Variants in PPP1R9A observed in about 807,000 individuals in gnomAD.
The protein encoded by PPP1R9A is protein phosphatase 1 regulatory subunit 9A, also known as neurabin-1.
A neutral mutation model predicts 141.9 loss-of-function variants in PPP1R9A; 59 were observed. That is an observed-to-expected ratio of 0.42 (90% confidence interval 0.34 to 0.52). The LOEUF (loss-of-function observed/expected upper bound fraction) is 0.52, where lower values mean the gene tolerates loss of function less well. Among genes scored for constraint, PPP1R9A ranks in the 20% least tolerant of loss-of-function variants. The probability of loss-of-function intolerance (pLI) is 0.10; values close to 1 mark genes in which losing one functional copy is unlikely to be tolerated. For missense variants in PPP1R9A, 1,444 were observed against 1,611.9 expected (o/e 0.90, Z 1.78); for synonymous variants, 500 against 569.7 (o/e 0.88, Z 1.74).
At chr7:94,963,019 T>G (rs1797806507) in intron 2 of PPP1R9A, among the ~76,000 whole-genome samples, 1 of 152,096 alleles carries the variant, frequency 6.6e-6, no homozygotes, top group South Asian at 2.1e-4. Flanking sequence ...AATTGAAAAT[T>G]CAAAATAGAA....
intron 2 of PPP1R9A, among the ~76,000 whole-genome samples, chr7:94,922,516 AG>A (rs2150734844): frequency 6.6e-6 from 1 of 152,278 alleles, no homozygotes; most frequent in South Asian, 2.1e-4. Flanking sequence ...TCACATATCC[AG>A]TAATAGGGAT....
chr7:94,912,405 C>T (rs2150599600), intron 2 of PPP1R9A, among the ~76,000 whole-genome samples: 1 of 152,250 alleles, frequency 6.6e-6, no homozygotes, highest in African/African-American at 2.4e-5. Context: ...GCCCACAGCT[C>T]AGTCCTGAGA....
chr7:95,271,984 G>C (rs896445519), intron 14 of PPP1R9A, among the ~76,000 whole-genome samples: 5 of 152,134 alleles, frequency 3.3e-5, no homozygotes, highest in African/African-American at 9.7e-5. Context: ...AACATCTTCA[G>C]CCCTATGGAA....
intron 2 of PPP1R9A, among the ~76,000 whole-genome samples, chr7:94,938,345 T>C (rs1794986236): frequency 6.6e-6 from 1 of 152,136 alleles, no homozygotes; most frequent in Non-Finnish European, 1.5e-5. Context: ...GCCAAAAAGG[T>C]TGGGGAGTGC....
intron 12 of PPP1R9A, among the ~76,000 whole-genome samples, chr7:95,254,569 T>C (rs1799324775): frequency 6.6e-6 from 1 of 152,196 alleles, no homozygotes; most frequent in Non-Finnish European, 1.5e-5. Flanking sequence ...ACTGTCCAAT[T>C]CTGATTTGCT....
chr7:94,976,788 T>C, intron 2 of PPP1R9A, among the ~76,000 whole-genome samples: 1 of 152,190 alleles, frequency 6.6e-6, no homozygotes, highest in East Asian at 1.9e-4. Context: ...TTTTATTTAT[T>C]AATCATTCAC....
At chr7:94,946,813 A>C (rs1795944715) in intron 2 of PPP1R9A, among the ~76,000 whole-genome samples, 1 of 152,180 alleles carries the variant, frequency 6.6e-6, no homozygotes, top group Non-Finnish European at 1.5e-5. Flanking sequence ...ATGCTTGCAC[A>C]AAATGCAAGG....
intron 2 of PPP1R9A, among the ~76,000 whole-genome samples, chr7:94,969,555 G>A (rs1007467221): frequency 1.3e-5 from 2 of 152,106 alleles, no homozygotes; most frequent in Non-Finnish European, 1.5e-5. Context: ...ATGCCAGTCA[G>A]ATCTCTCCTG....
rs554615710 is a variant in PPP1R9A, at chr7:95,199,435, T to C, written c.1890+951T>C. Among the ~76,000 whole-genome samples the C allele has an allele frequency of 5.9e-5, 9 of 152,306 alleles. No individual in the cohort carries two copies. The South Asian group carries it at 1.7e-3, about 28-fold the overall frequency. ...TCTGAATATATAATTTTTCAGAATT[T>C]TGCTTTCTAGCCAGGATATAGATAT... On this transcript the variant is annotated intron_variant, in intron 6 of 19. Coordinates refer to ENST00000433360, the MANE Select transcript of PPP1R9A (RefSeq NM_001166160.2).
rs1368291126 is a variant in PPP1R9A at position 95,161,976 on chromosome 7, A to G, written c.1754+5A>G. 1 of 1,578,292 alleles carries G rather than the reference A, an allele frequency of 6.3e-7. No individual in the cohort carries two copies. The highest frequency in any genetic ancestry group is 2.3e-5 in the East Asian group (1 of 44,166). The stretch of plus-strand genomic sequence containing the variant: ...AAACACCAAGGGCAACGTCAGGTAA[A>G]TACGTGCCTTCTAATATACACCATG... On this transcript the variant is annotated splice_donor_5th_base_variant and intron_variant, in intron 5 of 19. Coordinates refer to ENST00000433360, the MANE Select transcript of PPP1R9A (RefSeq NM_001166160.2).
chr7:95,289,561 A>G (rs1806016340), intron 19 of PPP1R9A, among the ~76,000 whole-genome samples: 1 of 152,158 alleles, frequency 6.6e-6, no homozygotes, highest in South Asian at 2.1e-4. Flanking sequence ...ATTATAATCA[A>G]CTTCCTTTAT....
At chr7:95,200,502 A>G (rs1022443256) in intron 6 of PPP1R9A, among the ~76,000 whole-genome samples, 2 of 150,084 alleles carry the variant, frequency 1.3e-5, no homozygotes, top group African/African-American at 4.9e-5. Flanking sequence ...CCTGTCTTGA[A>G]CTCCTGGCCT....
At chr7:95,195,537 C>T (rs1382306772) in intron 5 of PPP1R9A, among the ~76,000 whole-genome samples, 7 of 151,296 alleles carry the variant, frequency 4.6e-5, no homozygotes, top group South Asian at 4.2e-4. Context: ...CTTGGCCTCC[C>T]GAAGTGCTGG....
At chr7:95,078,265 A>G (rs892629103) in intron 2 of PPP1R9A, among the ~76,000 whole-genome samples, 28 of 151,854 alleles carry the variant, frequency 1.8e-4, no homozygotes, top group Middle Eastern at 3.4e-3. Context: ...TTTACTGACA[A>G]TGATGATTTC....
chr7:95,246,772 T>G (rs1798173236), intron 8 of PPP1R9A, among the ~76,000 whole-genome samples: 1 of 152,054 alleles, frequency 6.6e-6, no homozygotes, highest in African/African-American at 2.4e-5. Context: ...TCTTCTTCCC[T>G]TACAAAGAAA....
In PPP1R9A at chr7:95,053,658, T is replaced by C. The variant is rs888058260; in HGVS notation, c.1396-57601T>C. Among the ~76,000 whole-genome samples the C allele has an allele frequency of 9.2e-4, 140 of 152,226 alleles. 2 individuals are homozygous for C. Among genetic ancestry groups the C allele is most frequent in the Non-Finnish European group, 1.5e-4 (10 of 68,036 alleles). The stretch of plus-strand genomic sequence containing the variant: ...AGAGGGTGCTTACAACTTGGATTCC[T>C]AATCCTGAAGAGAAGGATGGCAGCT... On this transcript the variant is annotated intron_variant, in intron 2 of 19. Coordinates refer to ENST00000433360, the MANE Select transcript of PPP1R9A (RefSeq NM_001166160.2).
Position 94,910,028 on chromosome 7 carries a change from C to T in PPP1R9A, c.-86C>T. The T allele has an allele frequency of 8.4e-7, 1 of 1,193,998 alleles. No individual in the cohort carries two copies. The highest frequency in any genetic ancestry group is 1.2e-6 in the Non-Finnish European group (1 of 842,794). The allele number at this position is 1,193,998 out of a possible 1,614,324, so 74.0% of individuals were successfully genotyped here. Reference sequence around the variant, plus strand: ...GAGAGGTACTTTTCTTGACCCAATACTGGTGATTAGAGAAGAGAGGTATCT... The same window carrying T: ...GAGAGGTACTTTTCTTGACCCAATATTGGTGATTAGAGAAGAGAGGTATCT... On this transcript the variant is annotated 5_prime_UTR_variant, in exon 2 of 20. Coordinates refer to ENST00000433360, the MANE Select transcript of PPP1R9A (RefSeq NM_001166160.2). The surrounding 1 kb of genome is among the most constrained non-coding windows in gnomAD (Gnocchi z 4.5).
chr7:95,048,804 G>A (rs1342350626), intron 2 of PPP1R9A, among the ~76,000 whole-genome samples: 2 of 151,826 alleles, frequency 1.3e-5, no homozygotes, highest in Non-Finnish European at 1.5e-5. Context: ...CTCAGCCTCC[G>A]AAAGTGCTGG....
chr7:95,232,309 G>A (rs1001686423), intron 8 of PPP1R9A, among the ~76,000 whole-genome samples: 18 of 152,194 alleles, frequency 1.2e-4, no homozygotes, highest in African/African-American at 3.9e-4. Context: ...TAGGAAAACT[G>A]GCTAGCCATA....
Sources: allele counts gnomAD v4.1 joint callset (sites outside exome capture counted in the v4.1 genomes callset), GRCh38; gene constraint gnomAD v4.1.1; non-coding constraint Gnocchi (gnomAD v3.1); transcripts MANE v1.5; gene names NCBI Gene and HGNC (gene_info 2026-07-23, HGNC 2026-07-21).